The following ZNF100 variants were observed in gnomAD, a reference collection of about 807,000 sequenced individuals.
ZNF100 encodes zinc finger protein 100 (Y1).
ZNF100 carries 12 observed loss-of-function variants against 15.8 expected under a neutral mutation model. The ratio of observed to expected loss-of-function variants is 0.76; its 90% CI spans 0.49 to 1.23. ZNF100 has a LOEUF of 1.23. Ranked by LOEUF, ZNF100 falls within the 50% of genes most tolerant of loss-of-function variation. The pLI is 0.00. For synonymous variants in ZNF100, 226 were observed against 214.8 expected (o/e 1.05, Z -0.45); for missense variants, 670 against 635.6 (o/e 1.05, Z -0.58).
At chr19:21,758,608 G>C (rs755153614) in intron 2 of ZNF100, among the ~76,000 whole-genome samples, 1 of 152,150 alleles carries the variant, frequency 6.6e-6, no homozygotes, top group Non-Finnish European at 1.5e-5. Flanking sequence ...ATTGTCTGGG[G>C]GTTGGGATAT....
chr19:21,751,240 G>C (rs184762356), intron 2 of ZNF100: 65 of 1,247,426 alleles, frequency 5.2e-5, no homozygotes, highest in Middle Eastern at 2.7e-4. Context: ...TGACAGAACA[G>C]TCAGCCAGCC....
Position 21,727,785 on chromosome 19 carries a change from AT to A in ZNF100, c.526del (p.Ile176TyrfsTer22), listed in dbSNP as rs770846400. ...NQCLITTQSN[I>X]FQCDPSAKVF... is the part of the protein sequence containing the mutation. ...TTTTGCAGATGGATCACATTGAAAT[AT>A]GTTGCTCTGGGTAGTTATCAAACAC... On this transcript the variant is annotated frameshift_variant, in exon 5 of 5. Transcript: ENST00000358296. LOFTEE classifies it low-confidence loss of function (END_TRUNC). 3 of 1,613,838 alleles carry A rather than the reference AT, an allele frequency of 1.9e-6. No homozygotes were observed. The highest frequency in any genetic ancestry group is 3.3e-5 in the Admixed American group (2 of 60,006).
chr19:21,743,401 T>C (rs796148428), intron 4 of ZNF100, among the ~76,000 whole-genome samples: 23 of 152,344 alleles, frequency 1.5e-4, no homozygotes, highest in African/African-American at 4.8e-4. Context: ...GGCATTTTTT[T>C]CCACAGTAAT....
rs1306682789 is a variant in ZNF100 at position 21,722,958 on chromosome 19, T to C, written c.*3725A>G. The C allele has an allele frequency of 6.6e-6, 1 of 152,000 alleles. No individual in the cohort carries two copies. The highest frequency in any genetic ancestry group is 1.5e-5 in the Non-Finnish European group (1 of 68,000). The allele number at this position is 152,000 out of a possible 1,614,324, so 9.4% of individuals were successfully genotyped here. A position where few individuals can be genotyped will look rare whatever the true frequency, so the allele number is the denominator to read the frequency against. On this transcript the variant is annotated 3_prime_UTR_variant, in exon 5 of 5. Transcript: ENST00000358296. ...AAGAACAACTATTCTGATTTAATCT[T>C]CTCACCTGTGGACAATGTATGCTTT...
chr19:21,740,345 C>A (rs954455973), intron 4 of ZNF100, among the ~76,000 whole-genome samples: 9 of 152,138 alleles, frequency 5.9e-5, no homozygotes, highest in African/African-American at 2.2e-4. Context: ...AAAAAACTAA[C>A]GAATCTCTTA....
rs2145669967 is a variant in ZNF100 at position 21,723,127 on chromosome 19, G to A, written c.*3556C>T. On this transcript the variant is annotated 3_prime_UTR_variant, in exon 5 of 5. Transcript: ENST00000358296. Reference sequence around the variant, plus strand: ...AGCACTTTGGGAGGCTGAGGCAGGTGGATCATATGAGGTCAGGAGTTTGAA... The same window carrying A: ...AGCACTTTGGGAGGCTGAGGCAGGTAGATCATATGAGGTCAGGAGTTTGAA... The A allele has an allele frequency of 6.6e-6, 1 of 151,474 alleles. No homozygotes were observed. Among genetic ancestry groups the A allele is most frequent in the Non-Finnish European group, 1.5e-5 (1 of 67,890 alleles). The allele number at this position is 151,474 out of a possible 1,614,324, so 9.4% of individuals were successfully genotyped here. A position where few individuals can be genotyped will look rare whatever the true frequency, so the allele number is the denominator to read the frequency against.
rs1491110981 is a variant in ZNF100, at chr19:21,725,180, T to TTA, written c.*1502_*1503insTA. Reference sequence around the variant, plus strand: ...TCCATTATGTTACCAAATAGTATACTGTTACCATGTTTTACGTACACCCTT... The same window carrying TTA: ...TCCATTATGTTACCAAATAGTATACTTAGTTACCATGTTTTACGTACACCCTT... On this transcript the variant is annotated 3_prime_UTR_variant, in exon 5 of 5. Coordinates refer to ENST00000358296, the MANE Select transcript of ZNF100 (RefSeq NM_173531.4). 307 of 152,346 alleles carry TTA rather than the reference T, an allele frequency of 2.0e-3. 3 individuals are homozygous for TTA. The highest frequency in any genetic ancestry group is 7.1e-3 in the African/African-American group (296 of 41,590). The allele number at this position is 152,346 out of a possible 1,614,324, so 9.4% of individuals were successfully genotyped here.
intron 2 of ZNF100, among the ~76,000 whole-genome samples, chr19:21,745,609 G>A (rs986787429): frequency 7.8e-4 from 118 of 151,498 alleles, no homozygotes; most frequent in African/African-American, 2.3e-3. Flanking sequence ...TGCAAGCTCC[G>A]CTTCCTGGGT....
chr19:21,767,578 A>T lies in ZNF100; in HGVS notation c.-149T>A. On this transcript the variant is annotated 5_prime_UTR_variant, in exon 1 of 5. Coordinates refer to ENST00000358296, the MANE Select transcript of ZNF100 (RefSeq NM_173531.4). ...GCTCCGGCTACAGCGAGAGACAAAGACCCCGCCAAACCCGGAAGCCGTCCA... is the reference window on the plus strand; with the variant it reads ...GCTCCGGCTACAGCGAGAGACAAAGTCCCCGCCAAACCCGGAAGCCGTCCA... 8.0e-7 allele frequency: 1 copy of T among 1,252,320 alleles called. No individual in the cohort carries two copies. Among genetic ancestry groups the T allele is most frequent in the Non-Finnish European group, 1.1e-6 (1 of 908,736 alleles). 77.6% of individuals were successfully genotyped at this position (1,252,320 alleles called of 1,614,324 possible).
In ZNF100 at chr19:21,727,231, T is replaced by C. The variant is rs2035815321; in HGVS notation, c.1081A>G (p.Thr361Ala). The change falls in exon 5 of 5, where the codon ACT becomes GCT. Residue 361 changes from threonine to alanine, a missense_variant. Thr to Ala is a moderately conservative substitution (Grantham distance 58). Coordinates refer to ENST00000358296, the MANE Select transcript of ZNF100 (RefSeq NM_173531.4). ...GKAFNQSSTL[T>A]THKITHAGEK... is the part of the protein sequence containing the mutation. ...CCAGCATGAGTTATCTTATGTGTAG[T>C]AAGGGTTGAGGACTGGTTAAAGGCT... 6.2e-7 allele frequency: 1 copy of C among 1,613,806 alleles called. No individual in the cohort carries two copies. The highest frequency in any genetic ancestry group is 1.1e-5 in the South Asian group (1 of 91,076).
chr19:21,725,712 A>C lies in ZNF100; in HGVS notation c.*971T>G, dbSNP rs1393486964. 1 of 149,870 alleles carries C rather than the reference A, an allele frequency of 6.7e-6. No homozygotes were observed. The highest frequency in any genetic ancestry group is 2.5e-5 in the African/African-American group (1 of 40,106). The allele number at this position is 149,870 out of a possible 1,614,324, so 9.3% of individuals were successfully genotyped here. On this transcript the variant is annotated 3_prime_UTR_variant, in exon 5 of 5. Transcript: ENST00000358296. ...TTTCAAAAAGTTAAGCATACTTTGA[A>C]TGCAATAACTGCAAAAAATTTCTAC...
intron 2 of ZNF100, chr19:21,751,163 A>T: frequency 7.5e-7 from 1 of 1,330,308 alleles, no homozygotes; most frequent in Non-Finnish European, 1.1e-6. Context: ...AAGAGCAACC[A>T]CTTAAATCAT....
At chr19:21,765,653 C>G in intron 2 of ZNF100, 41 bp downstream of exon 2, 1 of 1,581,008 alleles carries the variant, frequency 6.3e-7, no homozygotes. Context: ...GAAATGAAAG[C>G]TGGGTTGGGT....
rs1174939839 is a variant in ZNF100, at chr19:21,724,622, C to G, written c.*2061G>C. On this transcript the variant is annotated 3_prime_UTR_variant, in exon 5 of 5. Transcript: ENST00000358296. ...TTGCTTGTAATACAAAGGATAAATA[C>G]TAGAGGTGATGGATACCTCATTTAC... 1 of 151,866 alleles carries G rather than the reference C, an allele frequency of 6.6e-6. No individual in the cohort carries two copies. The highest frequency in any genetic ancestry group is 2.4e-5 in the African/African-American group (1 of 41,318). 9.4% of individuals were successfully genotyped at this position (151,866 alleles called of 1,614,324 possible).
At chr19:21,759,708 C>A (rs1001350828) in intron 2 of ZNF100, among the ~76,000 whole-genome samples, 1 of 152,182 alleles carries the variant, frequency 6.6e-6, no homozygotes, top group African/African-American at 2.4e-5. Flanking sequence ...CACTGCTACA[C>A]CCCCACCGGT....
In ZNF100 at chr19:21,745,022, C is replaced by T. The variant is rs1343102575; in HGVS notation, c.142G>A (p.Glu48Lys). The change falls in exon 3 of 5, where the codon GAG (glutamate) becomes AAG (lysine). Residue 48 changes from glutamate to lysine, a missense_variant. Physicochemically the swap from Glu to Lys is moderately conservative, Grantham distance 56. Transcript: ENST00000358296. ...RDVAIEFSLEEWQCLDSAQQG... is the reference protein window; with the variant it reads ...RDVAIEFSLEKWQCLDSAQQG... ...TGAGCACTGTCCAGGCATTGCCACT[C>T]CTCCAGAGAGAATTCTATGGCCACA... is the stretch of plus-strand genomic sequence containing the variant. The T allele has an allele frequency of 6.2e-7, 1 of 1,613,172 alleles. No individual in the cohort carries two copies. The highest frequency in any genetic ancestry group is 8.5e-7 in the Non-Finnish European group (1 of 1,179,868).
chr19:21,751,563 T>G (rs1461169619), intron 2 of ZNF100: 26 of 1,381,956 alleles, frequency 1.9e-5, no homozygotes, highest in Non-Finnish European at 2.7e-5. Context: ...GGAGCCACTC[T>G]TCTTGCCTCC....
intron 2 of ZNF100, among the ~76,000 whole-genome samples, chr19:21,747,571 A>G (rs1483848433): frequency 6.6e-6 from 1 of 152,218 alleles, no homozygotes; most frequent in Non-Finnish European, 1.5e-5. Context: ...CAGGCTCATC[A>G]TTAGCATTAG....
At chr19:21,739,605 T>TAAACTA (rs1474386543) in intron 4 of ZNF100, among the ~76,000 whole-genome samples, 2 of 152,214 alleles carry the variant, frequency 1.3e-5, no homozygotes, top group African/African-American at 2.4e-5. Flanking sequence ...ATGCACTGCA[T>TAAACTA]GGTATCTGAC....
Sources: gnomAD v4.1 joint callset for allele counts (sites outside exome capture counted in the v4.1 genomes callset) on GRCh38, gnomAD v4.1.1 for gene constraint, MANE v1.5 for transcripts, NCBI Gene and HGNC (gene_info 2026-07-23, HGNC 2026-07-21) for gene names.